Variants in CPNE5 observed in about 807,000 individuals in gnomAD.
CPNE5 encodes copine 5.
A neutral mutation model predicts 81.1 loss-of-function variants in CPNE5; 42 were observed. That is an observed-to-expected ratio of 0.52 (90% confidence interval 0.40 to 0.67). The LOEUF (loss-of-function observed/expected upper bound fraction) is 0.67, where lower values mean the gene tolerates loss of function less well. CPNE5 is among the 30% of genes least tolerant of loss of function. The pLI, the probability that CPNE5 is intolerant of heterozygous loss-of-function variation, is 0.00. For synonymous variants in CPNE5, 313 were observed against 321.5 expected (o/e 0.97, Z 0.28); for missense variants, 612 against 815.5 (o/e 0.75, Z 3.04).
chr6:36,765,264 T>C, intron 11 of CPNE5, 71 bp downstream of exon 11: 14 of 1,543,928 alleles, frequency 9.1e-6, no homozygotes, highest in Non-Finnish European at 1.2e-5. Context: ...CAGCTCCGCA[T>C]GGGAGGGCAG....
chr6:36,781,060 C>CGGCA (rs1767997968), intron 8 of CPNE5, among the ~76,000 whole-genome samples: 1 of 152,234 alleles, frequency 6.6e-6, no homozygotes, highest in African/African-American at 2.4e-5. Context: ...CTGATTTCTT[C>CGGCA]AGACTCTGGG....
intron 9 of CPNE5, among the ~76,000 whole-genome samples, chr6:36,776,638 G>A (rs571086103): frequency 9.9e-5 from 15 of 152,250 alleles, no homozygotes; most frequent in African/African-American, 1.4e-4. Flanking sequence ...CCCCCCAACC[G>A]TCACACAGAC....
intron 3 of CPNE5, among the ~76,000 whole-genome samples, chr6:36,818,077 C>T (rs763302542): frequency 7.2e-5 from 11 of 152,176 alleles, no homozygotes; most frequent in Non-Finnish European, 1.5e-4. Context: ...AGACTGAGGC[C>T]AGTCCTGCCC....
intron 7 of CPNE5, 194 bp from the exon 8 acceptor site, chr6:36,792,290 G>A (rs571005510): frequency 5.4e-6 from 8 of 1,470,594 alleles, no homozygotes; most frequent in African/African-American, 4.2e-5. Flanking sequence ...TCCTGGGACC[G>A]GGTCCCCGAG....
intron 3 of CPNE5, among the ~76,000 whole-genome samples, chr6:36,809,142 T>G (rs1469627771): frequency 6.6e-6 from 1 of 151,994 alleles, no homozygotes; most frequent in Non-Finnish European, 1.5e-5. Flanking sequence ...ATAATGTGAG[T>G]GTCCCTGACC....
At chr6:36,810,094 G>T (rs1337755833) in intron 3 of CPNE5, among the ~76,000 whole-genome samples, 1 of 152,058 alleles carries the variant, frequency 6.6e-6, no homozygotes, top group South Asian at 2.1e-4. Context: ...AGTGAGAAAG[G>T]CAGAGCATCC....
intron 13 of CPNE5, chr6:36,755,195 C>T (rs1041753700): frequency 2.0e-5 from 3 of 152,178 alleles, no homozygotes. Context: ...CCCCAGAGCT[C>T]CTGAAAACCT....
chr6:36,802,365 G>T (rs868741055), intron 3 of CPNE5, among the ~76,000 whole-genome samples: 2 of 152,176 alleles, frequency 1.3e-5, no homozygotes, highest in South Asian at 4.1e-4. Flanking sequence ...GCTAAGGTTG[G>T]GGGATGGTTG....
chr6:36,742,298 G>T lies in CPNE5; in HGVS notation c.1752C>A (p.Pro584=). Residue 584 remains proline (P), a synonymous_variant, in exon 21 of 21, where the codon CCC becomes CCA. Transcript: ENST00000244751. Reference sequence around the variant, plus strand: ...TGTGCGTGTGCAGGGGGGACGCAGGGGGCGTGCGGGCTGGGGACTGCGAGG... The same window carrying T: ...TGTGCGTGTGCAGGGGGGACGCAGGTGGCGTGCGGGCTGGGGACTGCGAGG... ...HSPSQSPART[P]PASPLHTHI is the part of the protein sequence containing the mutation. 5 of 1,602,854 alleles carry T rather than the reference G, an allele frequency of 3.1e-6. No individual in the cohort carries two copies. Among genetic ancestry groups the T allele is most frequent in the Non-Finnish European group, 4.2e-6 (5 of 1,176,710 alleles).
intron 12 of CPNE5, among the ~76,000 whole-genome samples, chr6:36,757,870 C>T (rs1009900512): frequency 3.9e-5 from 6 of 152,132 alleles, no homozygotes; most frequent in South Asian, 4.1e-4. Flanking sequence ...AACCCAGGCC[C>T]AGTTTGATGG....
At chr6:36,831,248 T>C (rs1772963639) in intron 1 of CPNE5, among the ~76,000 whole-genome samples, 1 of 151,778 alleles carries the variant, frequency 6.6e-6, no homozygotes, top group Non-Finnish European at 1.5e-5. Context: ...AGAGATGTGG[T>C]TTCGCCATGT....
chr6:36,827,400 G>C (rs1772594104), intron 1 of CPNE5: 1 of 985,248 alleles, frequency 1.0e-6, no homozygotes, highest in Non-Finnish European at 1.2e-6. Flanking sequence ...CCTGCCCCGG[G>C]GTATAAAATG....
chr6:36,762,896 G>C (rs1195637192), intron 12 of CPNE5, 21 bp downstream of exon 12: 1 of 1,609,754 alleles, frequency 6.2e-7, no homozygotes, highest in South Asian at 1.1e-5. Context: ...GCAAACCCTG[G>C]ATTTCGGGTG....
chr6:36,780,175 A>G lies in CPNE5; in HGVS notation c.529-1218T>C, dbSNP rs191237439. ...AGATGGGGTTTCACTGTGTTAGCCA[A>G]GATGGTCTCGATATTCTGACCTCAT... On this transcript the variant is annotated intron_variant, in intron 8 of 20. Transcript: ENST00000244751. Among the ~76,000 whole-genome samples the G allele has an allele frequency of 2.6e-4, 39 of 152,158 alleles. 1 individual carries two copies. In the East Asian group the frequency reaches 4.3e-3, roughly 17 times the overall value.
intron 1 of CPNE5, chr6:36,838,869 C>T (rs553183486): frequency 2.7e-6 from 1 of 365,574 alleles, no homozygotes; most frequent in Non-Finnish European, 3.8e-6. Context: ...GAGGAGGGCA[C>T]AGAAGGGAGA....
chr6:36,764,667 T>C (rs1324294391), intron 11 of CPNE5, among the ~76,000 whole-genome samples: 2 of 152,130 alleles, frequency 1.3e-5, no homozygotes, highest in Non-Finnish European at 2.9e-5. Flanking sequence ...CCAGAAGTAC[T>C]GGCCTCCCAA....
chr6:36,781,975 G>A (rs1768069717), intron 8 of CPNE5, among the ~76,000 whole-genome samples: 2 of 152,128 alleles, frequency 1.3e-5, no homozygotes. Context: ...GCTCTGCATA[G>A]CCTTGAGCAG....
chr6:36,822,427 G>C (rs1018391017), intron 2 of CPNE5, among the ~76,000 whole-genome samples: 1 of 152,174 alleles, frequency 6.6e-6, no homozygotes, highest in Non-Finnish European at 1.5e-5. Context: ...GTTGGAGAAG[G>C]GAGACTAGGT....
intron 12 of CPNE5, chr6:36,757,539 C>T (rs1765602775): frequency 6.2e-6 from 1 of 161,758 alleles, no homozygotes; most frequent in Admixed American, 6.5e-5. Context: ...TTGGTGCCAC[C>T]TTGATAACAG....
Sources: gnomAD v4.1 joint callset for allele counts (sites outside exome capture counted in the v4.1 genomes callset) on GRCh38, gnomAD v4.1.1 for gene constraint, MANE v1.5 for transcripts, NCBI Gene and HGNC (gene_info 2026-07-23, HGNC 2026-07-21) for gene names.